Variants in PDE4B observed in about 807,000 individuals in gnomAD.
PDE4B encodes the protein phosphodiesterase 4B, also known as 3',5'-cyclic-AMP phosphodiesterase 4B.
PDE4B carries 20 observed loss-of-function variants against 82.2 expected under a neutral mutation model. The ratio of observed to expected loss-of-function variants is 0.24; its 90% CI spans 0.17 to 0.35. The LOEUF is 0.35. Among genes scored for constraint, PDE4B ranks in the 10% least tolerant of loss-of-function variants. The probability of loss-of-function intolerance (pLI) is 1.00; values close to 1 mark genes in which losing one functional copy is unlikely to be tolerated. For missense variants in PDE4B, 655 were observed against 907.2 expected, an observed-to-expected ratio of 0.72 and a Z score of 3.57; for synonymous variants, 320 against 318.9, an observed-to-expected ratio of 1.00 and a Z score of -0.04.
At chr1:65,896,048 T>A (rs1646907015) in intron 1 of PDE4B, among the ~76,000 whole-genome samples, 1 of 151,634 alleles carries the variant, frequency 6.6e-6, no homozygotes, top group Non-Finnish European at 1.5e-5. Flanking sequence ...ATTTGAAGGA[T>A]GTTGGTATTT....
At chr1:66,093,458 G>C (rs1237456336) in intron 3 of PDE4B, among the ~76,000 whole-genome samples, 1 of 151,964 alleles carries the variant, frequency 6.6e-6, no homozygotes, top group East Asian at 1.9e-4. Context: ...GGACTTTCTT[G>C]AGTTCTAAAA....
intron 3 of PDE4B, chr1:66,112,717 T>A (rs1302051187): frequency 6.6e-6 from 1 of 152,212 alleles, no homozygotes. Context: ...TGTGCCTCTA[T>A]CATTATTGCC....
chr1:66,044,784 C>T (rs1654596026), intron 3 of PDE4B, among the ~76,000 whole-genome samples: 1 of 151,614 alleles, frequency 6.6e-6, no homozygotes, highest in Admixed American at 6.6e-5. Flanking sequence ...CCTTTAAAAT[C>T]CACATTTCCA....
intron 1 of PDE4B, among the ~76,000 whole-genome samples, chr1:65,859,856 A>T (rs1231378254): frequency 6.6e-6 from 1 of 152,172 alleles, no homozygotes; most frequent in African/African-American, 2.4e-5. Flanking sequence ...TTATTTCCCT[A>T]TAGAGAGATA....
At chr1:65,937,487 T>A (rs1474722682) in intron 3 of PDE4B, among the ~76,000 whole-genome samples, 1 of 152,156 alleles carries the variant, frequency 6.6e-6, no homozygotes, top group Non-Finnish European at 1.5e-5. Context: ...GTTTTAAAGA[T>A]CAAAATACCC....
At position 65,895,536 on chromosome 1, in the gene PDE4B, T is replaced by C. The variant is rs566543143; in HGVS notation, c.-70-17709T>C. 2.6e-5 allele frequency among the ~76,000 whole-genome samples: 3 copies of C among 115,494 alleles called. No homozygotes were observed. The East Asian group carries it at 7.1e-4, about 27-fold the overall frequency. 75.8% of individuals were successfully genotyped at this position (115,494 alleles called of 152,430 possible). ...CTGCACTCTAGCCTGTGTGACAGAG[T>C]GAGACACTGTCTCAAAAAAAAAAAA... On this transcript the variant is annotated intron_variant, in intron 1 of 16. Coordinates refer to ENST00000341517, the MANE Select transcript of PDE4B (RefSeq NM_002600.4).
intron 3 of PDE4B, among the ~76,000 whole-genome samples, chr1:66,102,622 T>C (rs1186094494): frequency 6.6e-6 from 1 of 152,096 alleles, no homozygotes; most frequent in African/African-American, 2.4e-5. Flanking sequence ...ATATATCTCT[T>C]TTTCTATATT....
At chr1:65,995,311 C>T (rs918639540) in intron 3 of PDE4B, among the ~76,000 whole-genome samples, 3 of 152,256 alleles carry the variant, frequency 2.0e-5, no homozygotes, top group East Asian at 1.9e-4. Context: ...ACATGCTTAA[C>T]ATTTTTCAAA....
intron 3 of PDE4B, among the ~76,000 whole-genome samples, chr1:66,204,834 C>T (rs1030626919): frequency 1.9e-4 from 29 of 152,224 alleles, no homozygotes; most frequent in African/African-American, 6.3e-4. Context: ...AGCTCGCTCA[C>T]GGTGTGCTGC....
chr1:65,808,483 T>A (rs1236565173), intron 1 of PDE4B, among the ~76,000 whole-genome samples: 1 of 152,178 alleles, frequency 6.6e-6, no homozygotes, highest in African/African-American at 2.4e-5. Flanking sequence ...AGAGCATAAA[T>A]GTTTGAAGGC....
At chr1:66,169,478 C>T (rs746144148) in intron 3 of PDE4B, among the ~76,000 whole-genome samples, 3 of 152,142 alleles carry the variant, frequency 2.0e-5, no homozygotes, top group African/African-American at 4.8e-5. Context: ...TGAAAAAGAC[C>T]TATAATCTCT....
chr1:66,313,832 T>A (rs181415866), intron 7 of PDE4B, among the ~76,000 whole-genome samples: 1 of 152,072 alleles, frequency 6.6e-6, no homozygotes, highest in Admixed American at 6.5e-5. Context: ...GCCTGGAGAG[T>A]TGTAATCCTT....
chr1:65,937,005 A>G (rs1363198827), intron 3 of PDE4B, among the ~76,000 whole-genome samples: 1 of 152,200 alleles, frequency 6.6e-6, no homozygotes, highest in Non-Finnish European at 1.5e-5. Flanking sequence ...AGGAAGAGGC[A>G]CGGAAATAAA....
intron 3 of PDE4B, among the ~76,000 whole-genome samples, chr1:65,967,347 A>T (rs1443820174): frequency 3.3e-5 from 5 of 152,212 alleles, no homozygotes; most frequent in Admixed American, 2.0e-4. Context: ...ACCATCTCAC[A>T]CCAGTTAGAA....
At chr1:65,876,729 A>G (rs2100324788) in intron 1 of PDE4B, among the ~76,000 whole-genome samples, 2 of 152,306 alleles carry the variant, frequency 1.3e-5, no homozygotes, top group South Asian at 4.1e-4. Context: ...AATATGAAAT[A>G]TTTCCGTGGT....
At chr1:65,815,376 T>C (rs1296528285) in intron 1 of PDE4B, among the ~76,000 whole-genome samples, 1 of 152,200 alleles carries the variant, frequency 6.6e-6, no homozygotes, top group Non-Finnish European at 1.5e-5. Context: ...CACAATTATT[T>C]ATCAAATGGT....
At chr1:65,879,267 C>T (rs1349233338) in intron 1 of PDE4B, among the ~76,000 whole-genome samples, 1 of 152,098 alleles carries the variant, frequency 6.6e-6, no homozygotes, top group Non-Finnish European at 1.5e-5. Context: ...AGGCCCAGAA[C>T]TAACAGATAA....
intron 3 of PDE4B, among the ~76,000 whole-genome samples, chr1:66,056,255 A>G (rs981106907): frequency 3.3e-5 from 5 of 152,082 alleles, no homozygotes; most frequent in African/African-American, 7.2e-5. Flanking sequence ...CCTTTTCTCT[A>G]TTACAGAAGT....
At chr1:65,958,911 A>G (rs185420040) in intron 3 of PDE4B, among the ~76,000 whole-genome samples, 1 of 152,346 alleles carries the variant, frequency 6.6e-6, no homozygotes, top group East Asian at 1.9e-4. Flanking sequence ...TTTGAAACAA[A>G]TGTTCGTAAC....
Sources: gnomAD v4.1 joint callset for allele counts (sites outside exome capture counted in the v4.1 genomes callset) on GRCh38, gnomAD v4.1.1 for gene constraint, MANE v1.5 for transcripts, NCBI Gene and HGNC (gene_info 2026-07-23, HGNC 2026-07-21) for gene names.